The following RNFT2 variants were observed in gnomAD, a reference collection of about 807,000 sequenced individuals.
RNFT2 encodes the protein E3 ubiquitin-protein ligase RNFT2.
A neutral mutation model predicts 53.0 loss-of-function variants in RNFT2; 36 were observed. The observed-to-expected ratio is 0.68, with a 90% CI of 0.52 to 0.90. The LOEUF (loss-of-function observed/expected upper bound fraction) is 0.90. RNFT2 is among the 40% of genes least tolerant of loss of function. RNFT2 has a pLI of 0.00. For synonymous variants in RNFT2, 260 were observed against 253.2 expected, an observed-to-expected ratio of 1.03 and a Z score of -0.26; for missense variants, 514 against 585.6, an observed-to-expected ratio of 0.88 and a Z score of 1.26.
chr12:116,835,631 G>A (rs1876917335), intron 8 of RNFT2, among the ~76,000 whole-genome samples: 2 of 152,228 alleles, frequency 1.3e-5, no homozygotes, highest in Non-Finnish European at 2.9e-5. Flanking sequence ...GCTAGATGGA[G>A]AAGGGTTATC....
chr12:116,830,907 CAA>C (rs1181415958), intron 7 of RNFT2, among the ~76,000 whole-genome samples: 5 of 118,058 alleles, frequency 4.2e-5, no homozygotes. Context: ...GACTCCGTCT[CAA>C]AAAAAAAAAA....
intron 2 of RNFT2, 99 bp downstream of exon 2, chr12:116,740,620 A>G: frequency 1.9e-5 from 20 of 1,060,128 alleles, no homozygotes; most frequent in Non-Finnish European, 2.6e-5. Context: ...CCTCCCATGT[A>G]ACACATGGGG....
At chr12:116,785,506 A>G (rs1050288031) in intron 7 of RNFT2, among the ~76,000 whole-genome samples, 1 of 152,038 alleles carries the variant, frequency 6.6e-6, no homozygotes, top group African/African-American at 2.4e-5. Context: ...TGCCCAGGTT[A>G]GTCTTGAACT....
At chr12:116,795,347 G>A (rs1028925585) in intron 7 of RNFT2, among the ~76,000 whole-genome samples, 5 of 151,812 alleles carry the variant, frequency 3.3e-5, no homozygotes, top group Non-Finnish European at 5.9e-5. Context: ...GGCAGAGGTT[G>A]CAGTGAGCCG....
chr12:116,757,162 A>T (rs1872541807), intron 5 of RNFT2, among the ~76,000 whole-genome samples: 1 of 152,090 alleles, frequency 6.6e-6, no homozygotes. Context: ...CAGTGGTGTC[A>T]CTTGAAATAT....
chr12:116,748,295 C>T (rs563708443), intron 3 of RNFT2, among the ~76,000 whole-genome samples: 1 of 152,196 alleles, frequency 6.6e-6, no homozygotes, highest in Non-Finnish European at 1.5e-5. Flanking sequence ...CTCTCCATTC[C>T]TGCAGGCCTA....
chr12:116,824,362 G>A (rs140982073), intron 7 of RNFT2, among the ~76,000 whole-genome samples: 2,942 of 152,212 alleles, frequency 0.019, 52 homozygotes, highest in Middle Eastern at 0.034. Context: ...AGTCCCAAAC[G>A]CTTTCTATTA....
At chr12:116,751,688 A>G (rs1039330166) in intron 4 of RNFT2, among the ~76,000 whole-genome samples, 3 of 152,156 alleles carry the variant, frequency 2.0e-5, no homozygotes, top group African/African-American at 7.2e-5. Flanking sequence ...GGCGTGAGCT[A>G]CTGTGCCTGG....
intron 7 of RNFT2, among the ~76,000 whole-genome samples, chr12:116,827,515 C>G (rs1184705150): frequency 2.6e-5 from 4 of 152,190 alleles, no homozygotes; most frequent in Admixed American, 2.6e-4. Context: ...CCCATCGTGA[C>G]TTATCTAGAT....
Position 116,853,239 on chromosome 12 carries a change from T to C in RNFT2, c.*3791T>C, listed in dbSNP as rs2137235420. On this transcript the variant is annotated 3_prime_UTR_variant, in exon 11 of 11. Transcript: ENST00000257575. ...CACTCTCTTTTATGTATCTTGGTTC[T>C]GCAACTCATTTGTTGTAAGTAGGGT... The C allele has an allele frequency of 2.5e-6, 1 of 399,092 alleles. No individual in the cohort carries two copies. The allele number at this position is 399,092 out of a possible 1,614,324, so 24.7% of individuals were successfully genotyped here. A position where few individuals can be genotyped will look rare whatever the true frequency, so the allele number is the denominator to read the frequency against.
In RNFT2 at chr12:116,750,160, CG is replaced by C; in HGVS notation, c.408del (p.His137ThrfsTer20). The C allele has an allele frequency of 6.3e-7, 1 of 1,589,712 alleles. No homozygotes were observed. ...GCTGCAGCACGTGGGTGGGGACCAC[CG>C]GGGGCACTCGGAGGAGGGAGGCGAC... ...SLLQHVGGDH[R>X]GHSEEGGDEQ... On this transcript the variant is annotated frameshift_variant, in exon 4 of 11. Coordinates refer to ENST00000257575, the MANE Select transcript of RNFT2 (RefSeq NM_001382266.1). LOFTEE classifies it high-confidence loss of function.
chr12:116,824,369 ATTAG>A (rs1281336277), intron 7 of RNFT2, among the ~76,000 whole-genome samples: 7 of 152,162 alleles, frequency 4.6e-5, no homozygotes, highest in Non-Finnish European at 1.0e-4. Context: ...AACGCTTTCT[ATTAG>A]TTAGGATTGG....
Position 116,842,112 on chromosome 12 carries a change from G to A in RNFT2, c.1200+5830G>A, listed in dbSNP as rs150471733. On this transcript the variant is annotated intron_variant, in intron 10 of 10. Coordinates refer to ENST00000257575, the MANE Select transcript of RNFT2 (RefSeq NM_001382266.1). ...TGGGGAGGAGCTGCATCCAAGCTCC[G>A]CCGTGTGGTTGCTGGTAGGATTCCG... Among the ~76,000 whole-genome samples the A allele has an allele frequency of 7.0e-3, 1,049 of 150,584 alleles. 13 individuals are homozygous for A. The highest frequency in any genetic ancestry group is 0.017 in the Middle Eastern group (5 of 292).
intron 7 of RNFT2, among the ~76,000 whole-genome samples, chr12:116,816,912 G>A (rs943338767): frequency 6.6e-6 from 1 of 152,100 alleles, no homozygotes; most frequent in Non-Finnish European, 1.5e-5. Context: ...ATATCTCCTG[G>A]GTTCCATCCA....
In RNFT2 at chr12:116,750,908, AT is replaced by A. The variant is rs386377851; in HGVS notation, c.550+610del. ...ATATATATAATATATATATATATAT[AT>A]TTTTTTTTGAGACAGGGTCTTGCTC... On this transcript the variant is annotated intron_variant, in intron 4 of 10. Transcript: ENST00000257575. 2.7e-3 allele frequency among the ~76,000 whole-genome samples: 188 copies of A among 70,010 alleles called. 6 individuals carry two copies. The highest frequency in any genetic ancestry group is 4.0e-3 in the Non-Finnish European group (136 of 34,118). 45.9% of individuals were successfully genotyped at this position (70,010 alleles called of 152,430 possible).
intron 7 of RNFT2, among the ~76,000 whole-genome samples, chr12:116,828,894 A>C (rs1026609055): frequency 2.6e-5 from 4 of 152,078 alleles, no homozygotes; most frequent in Non-Finnish European, 4.4e-5. Context: ...TAGTCCCTAC[A>C]GGGGACTCAG....
At chr12:116,832,723 A>G (rs1876741467) in intron 7 of RNFT2, among the ~76,000 whole-genome samples, 1 of 151,936 alleles carries the variant, frequency 6.6e-6, no homozygotes, top group Non-Finnish European at 1.5e-5. Context: ...GAGAAATAGG[A>G]TTTTTCTCCA....
chr12:116,779,182 A>G lies in RNFT2; in HGVS notation c.729-13A>G, dbSNP rs759395882. On this transcript the variant is annotated splice_polypyrimidine_tract_variant and intron_variant, in intron 6 of 10. Transcript: ENST00000257575. Reference sequence around the variant, plus strand: ...CTAAGGGAACCTTCTGACTCTCTCAATCCTCCCCCCAGCCTCATATTCCTG... The same window carrying G: ...CTAAGGGAACCTTCTGACTCTCTCAGTCCTCCCCCCAGCCTCATATTCCTG... 1.8e-5 allele frequency: 29 copies of G among 1,613,774 alleles called. No homozygotes were observed. Among genetic ancestry groups the G allele is most frequent in the Non-Finnish European group, 2.5e-5 (29 of 1,179,838 alleles).
intron 4 of RNFT2, among the ~76,000 whole-genome samples, chr12:116,752,016 G>T (rs1872272592): frequency 6.6e-6 from 1 of 152,298 alleles, no homozygotes; most frequent in East Asian, 1.9e-4. Context: ...ACTGCAGTAG[G>T]AGTGATGGTA....
Sources: gnomAD v4.1 joint callset for allele counts (sites outside exome capture counted in the v4.1 genomes callset) on GRCh38, gnomAD v4.1.1 for gene constraint, MANE v1.5 for transcripts, NCBI Gene and HGNC (gene_info 2026-07-23, HGNC 2026-07-21) for gene names.